Variants in MPDZ observed in about 807,000 individuals in gnomAD.
MPDZ encodes multiple PDZ domain crumbs cell polarity complex component.
A neutral mutation model predicts 239.1 loss-of-function variants in MPDZ; 234 were observed. The ratio of observed to expected loss-of-function variants is 0.98; its 90% CI spans 0.88 to 1.09. The LOEUF is 1.09. Among genes scored for constraint, MPDZ ranks in the 50% least tolerant of loss-of-function variants. The pLI is 0.00. For missense variants in MPDZ, 3,175 were observed against 2,510.0 expected, an observed-to-expected ratio of 1.26 and a Z score of -5.66; for synonymous variants, 1,048 against 881.3, an observed-to-expected ratio of 1.19 and a Z score of -3.35.
At chr9:13,222,176 A>G in intron 6 of MPDZ, 57 bp downstream of exon 6, 1 of 1,439,352 alleles carries the variant, frequency 6.9e-7, no homozygotes. Context: ...ACTTGGAGAT[A>G]ACCAAAAACA....
chr9:13,250,516 G>T lies in MPDZ; in HGVS notation c.-57-144C>A, dbSNP rs749896447. 3.2e-5 allele frequency: 16 copies of T among 499,628 alleles called. No individual in the cohort carries two copies. The South Asian group carries it at 6.6e-4, about 21-fold the overall frequency. 30.9% of individuals were successfully genotyped at this position (499,628 alleles called of 1,614,324 possible). On this transcript the variant is annotated intron_variant, in intron 1 of 46. Coordinates refer to ENST00000319217, the MANE Select transcript of MPDZ (RefSeq NM_001378778.1). Reference sequence around the variant, plus strand: ...ACAACTTAAGATAGTTCGCTTTACAGACAATAAAGTAAACATTTTAGGACT... The same window carrying T: ...ACAACTTAAGATAGTTCGCTTTACATACAATAAAGTAAACATTTTAGGACT...
chr9:13,161,498 G>A (rs1175842052), intron 23 of MPDZ, among the ~76,000 whole-genome samples: 1 of 152,046 alleles, frequency 6.6e-6, no homozygotes, highest in Non-Finnish European at 1.5e-5. Context: ...TTGAACCCGG[G>A]AGGCAGAGGT....
chr9:13,125,790 CAT>C (rs1945022703), intron 34 of MPDZ, among the ~76,000 whole-genome samples: 1 of 152,072 alleles, frequency 6.6e-6, no homozygotes, highest in Non-Finnish European at 1.5e-5. Context: ...AATAGAAACA[CAT>C]ATGTTAGAAG....
At chr9:13,261,732 G>T (rs1970728984) in intron 1 of MPDZ, among the ~76,000 whole-genome samples, 1 of 152,138 alleles carries the variant, frequency 6.6e-6, no homozygotes, top group Non-Finnish European at 1.5e-5. Flanking sequence ...TAAATCCACT[G>T]TTAAAACAAA....
At chr9:13,259,653 G>A (rs1168525881) in intron 1 of MPDZ, among the ~76,000 whole-genome samples, 2 of 152,146 alleles carry the variant, frequency 1.3e-5, no homozygotes, top group African/African-American at 4.8e-5. Flanking sequence ...AAGGTCTGAT[G>A]AAAGAGCTCC....
intron 3 of MPDZ, among the ~76,000 whole-genome samples, chr9:13,245,337 G>C (rs1966351990): frequency 6.7e-6 from 1 of 149,092 alleles, no homozygotes; most frequent in Non-Finnish European, 1.5e-5. Flanking sequence ...ACGAATCACA[G>C]ACACTGTAAA....
At chr9:13,150,187 AT>A (rs558432186) in intron 25 of MPDZ, among the ~76,000 whole-genome samples, 8 of 151,154 alleles carry the variant, frequency 5.3e-5, no homozygotes, top group East Asian at 1.9e-4. Context: ...CCTTGGAGCC[AT>A]TTTTTTTTAA....
chr9:13,192,273 C>G lies in MPDZ; in HGVS notation c.1826G>C (p.Gly609Ala), dbSNP rs1955034736. 1.2e-6 allele frequency: 2 copies of G among 1,600,252 alleles called. No homozygotes were observed. Among genetic ancestry groups the G allele is most frequent in the Non-Finnish European group, 1.7e-6 (2 of 1,172,424 alleles). The change falls in exon 15 of 47, where the codon GGG (glycine) becomes GCG (alanine). Residue 609 changes from glycine to alanine, a missense_variant. Gly to Ala is a moderately conservative substitution (Grantham distance 60). Coordinates refer to ENST00000319217, the MANE Select transcript of MPDZ (RefSeq NM_001378778.1). ...ATTCACCACATCTTGGTGATTTTCC[C>G]CAAGTAAAGTTATGCCATTTACCTG... ...LLEVNGITLL[G>A]ENHQDVVNIL...
intron 12 of MPDZ, among the ~76,000 whole-genome samples, chr9:13,203,792 A>G (rs1244973284): frequency 6.6e-6 from 1 of 151,852 alleles, no homozygotes; most frequent in Admixed American, 6.6e-5. Context: ...AAAGAGAGAG[A>G]GAGAGGGATT....
intron 41 of MPDZ, 56 bp downstream of exon 41, chr9:13,113,875 A>C: frequency 7.4e-7 from 1 of 1,354,324 alleles, no homozygotes; most frequent in Non-Finnish European, 1.0e-6. Context: ...CAAGACAAAA[A>C]AATCAGTGTT....
chr9:13,206,992 A>G lies in MPDZ; in HGVS notation c.1291-893T>C, dbSNP rs539811892. On this transcript the variant is annotated intron_variant, in intron 10 of 46. Coordinates refer to ENST00000319217, the MANE Select transcript of MPDZ (RefSeq NM_001378778.1). The stretch of plus-strand genomic sequence containing the variant: ...CTGTGCCCTACTTCTACTCCTTTCT[A>G]AATATGCTTTTATATTCCTCAGGTG... 2.6e-5 allele frequency among the ~76,000 whole-genome samples: 4 copies of G among 152,132 alleles called. No individual in the cohort carries two copies. In the South Asian group the frequency reaches 8.3e-4, roughly 32 times the overall value.
At chr9:13,137,379 C>T (rs1946982070) in intron 29 of MPDZ, among the ~76,000 whole-genome samples, 1 of 152,148 alleles carries the variant, frequency 6.6e-6, no homozygotes, top group African/African-American at 2.4e-5. Context: ...GGGAAACATA[C>T]TCAGCATGAG....
At chr9:13,107,162 A>C in intron 46 of MPDZ, 51 bp from the exon 47 acceptor site, 1 of 1,510,386 alleles carries the variant, frequency 6.6e-7, no homozygotes, top group Non-Finnish European at 9.0e-7. Flanking sequence ...GCTGCCTTGC[A>C]ACTCACAACA....
chr9:13,198,751 G>GTGTGTGTGTGTGTGTGTGTGTGTC (rs1956005696), intron 12 of MPDZ, among the ~76,000 whole-genome samples: 2 of 147,448 alleles, frequency 1.4e-5, no homozygotes, highest in Non-Finnish European at 3.0e-5. Flanking sequence ...GTGTGTGTGT[G>GTGTGTGTGTGTGTGTGTGTGTGTC]TGTGTGTGTG....
At chr9:13,140,748 A>C (rs1947543090) in intron 27 of MPDZ, 1 of 152,088 alleles carries the variant, frequency 6.6e-6, no homozygotes, top group Non-Finnish European at 1.5e-5. Context: ...CATCTAGAAA[A>C]ATCTGCCAAG....
chr9:13,220,142 A>T (rs546974314), intron 7 of MPDZ, among the ~76,000 whole-genome samples: 1 of 152,038 alleles, frequency 6.6e-6, no homozygotes, highest in Admixed American at 6.6e-5. Flanking sequence ...ATGCAAATAT[A>T]TATTACCTAA....
chr9:13,174,570 C>G (rs1176226491), intron 21 of MPDZ, among the ~76,000 whole-genome samples: 2 of 152,122 alleles, frequency 1.3e-5, no homozygotes, highest in African/African-American at 4.8e-5. Flanking sequence ...TTAAATTTAT[C>G]TCATCCCAAA....
At chr9:13,152,925 T>C (rs1949372105) in intron 24 of MPDZ, among the ~76,000 whole-genome samples, 1 of 152,086 alleles carries the variant, frequency 6.6e-6, no homozygotes, top group South Asian at 2.1e-4. Context: ...AGTGAGGTCT[T>C]TGGCCTAGAT....
At position 13,188,712 on chromosome 9, in the gene MPDZ, A is replaced by T. The variant is rs1954488180; in HGVS notation, c.2364+72T>A. On this transcript the variant is annotated intron_variant, in intron 17 of 46. Coordinates refer to ENST00000319217, the MANE Select transcript of MPDZ (RefSeq NM_001378778.1). ...TCACGATTCAATCATGAGAACACCT[A>T]AAGCGAAAAGTAGACCTATGAACCA... is the stretch of plus-strand genomic sequence containing the variant. 2.9e-6 allele frequency: 4 copies of T among 1,359,732 alleles called. No homozygotes were observed. The South Asian group carries it at 5.7e-5, about 20-fold the overall frequency. 84.2% of individuals were successfully genotyped at this position (1,359,732 alleles called of 1,614,324 possible). A position where few individuals can be genotyped will look rare whatever the true frequency, so the allele number is the denominator to read the frequency against.
Sources: allele counts gnomAD v4.1 joint callset (sites outside exome capture counted in the v4.1 genomes callset), GRCh38; gene constraint gnomAD v4.1.1; transcripts MANE v1.5; gene names NCBI Gene and HGNC (gene_info 2026-07-23, HGNC 2026-07-21).